Variants in TLE1 observed in about 807,000 individuals in gnomAD.
TLE1 encodes the protein TLE family member 1, transcriptional corepressor, also known as transducin-like enhancer protein 1.
Under a neutral mutation model 89.8 loss-of-function variants are expected in TLE1, and 21 were observed. The ratio of observed to expected loss-of-function variants is 0.23; its 90% CI spans 0.17 to 0.34. TLE1 has a LOEUF of 0.34. Ranked by LOEUF, TLE1 falls within the 10% of genes least tolerant of loss-of-function variation. The pLI is 1.00. For missense variants in TLE1, 795 were observed against 1,031.2 expected, an observed-to-expected ratio of 0.77 and a Z score of 3.14; for synonymous variants, 447 against 407.6, an observed-to-expected ratio of 1.10 and a Z score of -1.16.
chr9:81,685,984 A>G, intron 2 of TLE1, 88 bp from the exon 3 acceptor site: 1 of 1,440,000 alleles, frequency 6.9e-7, no homozygotes, highest in Non-Finnish European at 9.6e-7. Flanking sequence ...AAGTAAAAAC[A>G]CAGACCAATT....
At position 81,630,621 on chromosome 9, in the gene TLE1, T is replaced by C. The variant is rs533286933; in HGVS notation, c.594+2727A>G. Among the ~76,000 whole-genome samples the C allele has an allele frequency of 1.1e-4, 17 of 152,302 alleles. No individual in the cohort carries two copies. The South Asian group carries it at 3.5e-3, about 32-fold the overall frequency. On this transcript the variant is annotated intron_variant, in intron 8 of 19. Transcript: ENST00000376499. Reference sequence around the variant, plus strand: ...CAAGGGTATCAAGATCATGAGGCCATAAGGCTTTGAAAATCACTGGCCTGT... The same window carrying C: ...CAAGGGTATCAAGATCATGAGGCCACAAGGCTTTGAAAATCACTGGCCTGT...
At chr9:81,621,877 C>T (rs946689658) in intron 8 of TLE1, among the ~76,000 whole-genome samples, 2 of 152,152 alleles carry the variant, frequency 1.3e-5, no homozygotes, top group East Asian at 1.9e-4. Flanking sequence ...AGGAGCTGGG[C>T]TCTTTTATTC....
At chr9:81,680,270 G>A (rs913990967) in intron 4 of TLE1, among the ~76,000 whole-genome samples, 1 of 152,124 alleles carries the variant, frequency 6.6e-6, no homozygotes. Context: ...ACGGAACCAA[G>A]TCAGAGCCTA....
intron 8 of TLE1, among the ~76,000 whole-genome samples, chr9:81,631,764 C>T (rs776505338): frequency 2.0e-5 from 3 of 152,158 alleles, no homozygotes; most frequent in Non-Finnish European, 4.4e-5. Context: ...TGATTTCATC[C>T]AGGGTTAGGT....
intron 14 of TLE1, among the ~76,000 whole-genome samples, chr9:81,598,687 A>C (rs888834080): frequency 6.6e-6 from 1 of 152,140 alleles, no homozygotes. Context: ...AACGTCTAGC[A>C]ATTATACCAA....
chr9:81,598,078 G>A (rs1177723101), intron 14 of TLE1, among the ~76,000 whole-genome samples: 5 of 152,088 alleles, frequency 3.3e-5, no homozygotes, highest in Non-Finnish European at 5.9e-5. Context: ...CGCTGCCTAC[G>A]GACTTGGCAC....
At position 81,583,730 on chromosome 9, in the gene TLE1, T is replaced by C. The variant is rs889329335; in HGVS notation, c.*468A>G. Reference sequence around the variant, plus strand: ...TGTAATAAACCAAATATATTTACAATTTATACAAATGTTTAACCTTCAACA... The same window carrying C: ...TGTAATAAACCAAATATATTTACAACTTATACAAATGTTTAACCTTCAACA... On this transcript the variant is annotated 3_prime_UTR_variant, in exon 20 of 20. Coordinates refer to ENST00000376499, the MANE Select transcript of TLE1 (RefSeq NM_005077.5). 6.3e-6 allele frequency: 1 copy of C among 158,006 alleles called. No individual in the cohort carries two copies. The highest frequency in any genetic ancestry group is 2.4e-5 in the African/African-American group (1 of 41,502). 9.8% of individuals were successfully genotyped at this position (158,006 alleles called of 1,614,324 possible).
At chr9:81,627,738 G>C (rs1826076686) in intron 8 of TLE1, among the ~76,000 whole-genome samples, 1 of 151,942 alleles carries the variant, frequency 6.6e-6, no homozygotes, top group Non-Finnish European at 1.5e-5. Context: ...AAATATTTAG[G>C]CAAAAACAGT....
chr9:81,610,760 A>T (rs537683459), intron 13 of TLE1, among the ~76,000 whole-genome samples: 1 of 9,266 alleles, frequency 1.1e-4, no homozygotes, highest in East Asian at 3.4e-3. Flanking sequence ...TCCCACCCCC[A>T]GTTATGATAA....
chr9:81,625,177 C>G (rs1246992946), intron 8 of TLE1, among the ~76,000 whole-genome samples: 3 of 152,164 alleles, frequency 2.0e-5, no homozygotes, highest in African/African-American at 7.2e-5. Context: ...TGGACTCTCT[C>G]TCTCACGAAA....
intron 10 of TLE1, 39 bp from the exon 11 acceptor site, chr9:81,616,173 G>GT: frequency 6.4e-7 from 1 of 1,572,566 alleles, no homozygotes; most frequent in East Asian, 2.2e-5. Context: ...GATTTAGCTT[G>GT]TAACAGACAG....
At chr9:81,612,076 C>T in intron 12 of TLE1, 117 bp from the exon 13 acceptor site, 1 of 830,590 alleles carries the variant, frequency 1.2e-6, no homozygotes, top group Non-Finnish European at 1.7e-6. Flanking sequence ...AGAGGTAAGG[C>T]TTCTAGGGGA....
chr9:81,610,636 G>C (rs990384418), intron 13 of TLE1, among the ~76,000 whole-genome samples: 1 of 152,098 alleles, frequency 6.6e-6, no homozygotes, highest in African/African-American at 2.4e-5. Context: ...ATTGACATTT[G>C]GGGCCAAACA....
chr9:81,587,634 C>T (rs769059586), intron 17 of TLE1, 47 bp downstream of exon 17: 1 of 1,562,858 alleles, frequency 6.4e-7, no homozygotes, highest in Non-Finnish European at 8.7e-7. Flanking sequence ...GAAGACACAC[C>T]CCAGCCACCT....
intron 4 of TLE1, 71 bp from the exon 5 acceptor site, chr9:81,654,107 C>A (rs1317495218): frequency 4.2e-6 from 6 of 1,413,676 alleles, no homozygotes; most frequent in African/African-American, 1.4e-5. Context: ...ACTTCATACC[C>A]CTAACACTTC....
intron 4 of TLE1, among the ~76,000 whole-genome samples, chr9:81,672,097 T>C (rs888978251): frequency 6.6e-5 from 10 of 152,190 alleles, no homozygotes; most frequent in African/African-American, 1.9e-4. Context: ...GAAAGAGCCA[T>C]GAACGCGGAG....
chr9:81,605,956 C>A (rs1426220285), intron 14 of TLE1, among the ~76,000 whole-genome samples: 1 of 152,110 alleles, frequency 6.6e-6, no homozygotes, highest in East Asian at 1.9e-4. Context: ...AAAAAGTGGG[C>A]AAAGGATATG....
chr9:81,627,018 C>G (rs1212508554), intron 8 of TLE1, among the ~76,000 whole-genome samples: 3 of 152,148 alleles, frequency 2.0e-5, no homozygotes, highest in Non-Finnish European at 4.4e-5. Flanking sequence ...TGTTTCTGTG[C>G]CTCTTTGCTC....
intron 18 of TLE1, among the ~76,000 whole-genome samples, chr9:81,585,042 A>C (rs951002273): frequency 3.3e-5 from 5 of 152,104 alleles, no homozygotes; most frequent in African/African-American, 7.2e-5. Context: ...TCTGCAGCAC[A>C]CAAGAAGGGT....
Sources: allele counts gnomAD v4.1 joint callset (sites outside exome capture counted in the v4.1 genomes callset), GRCh38; gene constraint gnomAD v4.1.1; transcripts MANE v1.5; gene names NCBI Gene and HGNC (gene_info 2026-07-23, HGNC 2026-07-21).